Variants in SH3PXD2A observed in about 807,000 individuals in gnomAD.
SH3PXD2A encodes SH3 and PX domain-containing protein 2A.
A neutral mutation model predicts 115.2 loss-of-function variants in SH3PXD2A; 32 were observed. The ratio of observed to expected loss-of-function variants is 0.28; its 90% confidence interval spans 0.21 to 0.37. The LOEUF is 0.37. Among genes scored for constraint, SH3PXD2A ranks in the 10% least tolerant of loss-of-function variants. The probability of loss-of-function intolerance (pLI) is 1.00; values close to 1 mark genes in which losing one functional copy is unlikely to be tolerated. For synonymous variants in SH3PXD2A, 610 were observed against 629.1 expected, an observed-to-expected ratio of 0.97 and a Z score of 0.45; for missense variants, 1,328 against 1,498.7, an observed-to-expected ratio of 0.89 and a Z score of 1.88.
At chr10:103,610,736 C>T (rs1185782571) in intron 13 of SH3PXD2A, among the ~76,000 whole-genome samples, 1 of 152,154 alleles carries the variant, frequency 6.6e-6, no homozygotes, top group Non-Finnish European at 1.5e-5. Flanking sequence ...TTTGCTAGCC[C>T]CCCACATAAA....
chr10:103,810,931 CATGG>C (rs1209917181), intron 1 of SH3PXD2A, among the ~76,000 whole-genome samples: 3 of 4,276 alleles, frequency 7.0e-4, no homozygotes, highest in Non-Finnish European at 1.5e-3. Flanking sequence ...GAGACACACA[CATGG>C]ACACAGGCGC....
intron 6 of SH3PXD2A, among the ~76,000 whole-genome samples, chr10:103,685,481 T>C (rs1368321244): frequency 6.6e-6 from 1 of 151,812 alleles, no homozygotes; most frequent in Non-Finnish European, 1.5e-5. Context: ...AATGATGAGA[T>C]AGTGGACACC....
intron 8 of SH3PXD2A, among the ~76,000 whole-genome samples, chr10:103,635,864 C>A (rs1015885469): frequency 6.6e-6 from 1 of 152,216 alleles, no homozygotes; most frequent in Admixed American, 6.5e-5. Flanking sequence ...AGTAACAACC[C>A]ACTTTGCAAT....
At chr10:103,773,171 C>A (rs1230925081) in intron 2 of SH3PXD2A, among the ~76,000 whole-genome samples, 1 of 145,510 alleles carries the variant, frequency 6.9e-6, no homozygotes. Flanking sequence ...TTGCAGTGAG[C>A]TGAGATCTCA....
At chr10:103,767,015 A>C in intron 3 of SH3PXD2A, 79 bp downstream of exon 3, 2 of 1,043,806 alleles carry the variant, frequency 1.9e-6, no homozygotes, top group Non-Finnish European at 3.0e-6. Context: ...TCTGCTGCTT[A>C]GTACTCTTCT....
At chr10:103,742,104 G>A (rs1316353866) in intron 3 of SH3PXD2A, among the ~76,000 whole-genome samples, 1 of 151,898 alleles carries the variant, frequency 6.6e-6, no homozygotes, top group Non-Finnish European at 1.5e-5. Context: ...AGTCATGATC[G>A]TGCCACTGTA....
intron 6 of SH3PXD2A, among the ~76,000 whole-genome samples, chr10:103,679,723 G>C (rs942063636): frequency 6.6e-6 from 1 of 152,324 alleles, no homozygotes; most frequent in South Asian, 2.1e-4. Flanking sequence ...GGTCCCCCTG[G>C]GGGGGCCATT....
chr10:103,634,807 C>A (rs1378383274), intron 8 of SH3PXD2A, among the ~76,000 whole-genome samples: 1 of 152,152 alleles, frequency 6.6e-6, no homozygotes, highest in African/African-American at 2.4e-5. Context: ...TTGCTGCTTC[C>A]TAGCTGTGTG....
chr10:103,767,810 GTTTTT>G (rs34903223), intron 2 of SH3PXD2A, among the ~76,000 whole-genome samples: 2 of 67,742 alleles, frequency 3.0e-5, no homozygotes, highest in East Asian at 4.6e-4. Flanking sequence ...CAACTGTTTT[GTTTTT>G]TTTTTTTTTT....
intron 8 of SH3PXD2A, among the ~76,000 whole-genome samples, chr10:103,660,357 G>A (rs1466995323): frequency 6.6e-6 from 1 of 152,134 alleles, no homozygotes; most frequent in African/African-American, 2.4e-5. Context: ...CAGCTGCCCC[G>A]GGCAGCTGTC....
At chr10:103,788,453 A>T (rs1280059842) in intron 2 of SH3PXD2A, among the ~76,000 whole-genome samples, 2 of 152,212 alleles carry the variant, frequency 1.3e-5, no homozygotes, top group Non-Finnish European at 2.9e-5. Context: ...GCCTGATGTC[A>T]TCCATCTGTG....
Position 103,603,753 on chromosome 10 carries a change from G to A in SH3PXD2A, c.1465C>T (p.Gln489Ter). ...DKNSGGWWYV[Q>*]IGEKEGWAPA... ...GCCCAGCCCTCCTTCTCACCGATCTGCACGTACCACCAGCCACCTGAGTTC... is the reference window on the plus strand; with the variant it reads ...GCCCAGCCCTCCTTCTCACCGATCTACACGTACCACCAGCCACCTGAGTTC... The change falls in exon 15 of 15, where the codon CAG becomes TAG. Residue 489 changes from glutamine to a stop codon, truncating the protein, a stop_gained. Transcript: ENST00000369774. LOFTEE classifies it high-confidence loss of function. 6.2e-7 allele frequency: 1 copy of A among 1,610,482 alleles called. No individual in the cohort carries two copies. Among genetic ancestry groups the A allele is most frequent in the Non-Finnish European group, 8.5e-7 (1 of 1,179,896 alleles).
chr10:103,727,522 G>A (rs919741240), intron 4 of SH3PXD2A, among the ~76,000 whole-genome samples: 4 of 152,156 alleles, frequency 2.6e-5, no homozygotes, highest in African/African-American at 9.7e-5. Context: ...TGACCACCCT[G>A]AAAGGGAGAA....
At position 103,620,768 on chromosome 10, in the gene SH3PXD2A, A is replaced by G. The variant is rs2036590993; in HGVS notation, c.802+1702T>C. Among the ~76,000 whole-genome samples the G allele has an allele frequency of 6.6e-6, 1 of 152,158 alleles. No homozygotes were observed. The highest frequency in any genetic ancestry group is 6.5e-5 in the Admixed American group (1 of 15,280). Reference sequence around the variant, plus strand: ...GCTGGGGGCTTATATTTGCTTAGGTATGGGTGACCAAGAATTAGGCATTTC... The same window carrying G: ...GCTGGGGGCTTATATTTGCTTAGGTGTGGGTGACCAAGAATTAGGCATTTC... On this transcript the variant is annotated intron_variant, in intron 10 of 14. Transcript: ENST00000369774. The surrounding 1 kb of genome is among the most constrained non-coding windows in gnomAD (Gnocchi z 5.3).
intron 11 of SH3PXD2A, 40 bp downstream of exon 11, chr10:103,617,156 TG>T: frequency 7.1e-7 from 1 of 1,413,054 alleles, no homozygotes. Flanking sequence ...AGGGCCCAGG[TG>T]GGCGAGAGGC....
At chr10:103,622,780 C>T (rs1041370090) in intron 9 of SH3PXD2A, among the ~76,000 whole-genome samples, 9 of 152,134 alleles carry the variant, frequency 5.9e-5, no homozygotes, top group East Asian at 3.8e-4. Context: ...AACTCCACAG[C>T]GTGTGCCCCT....
intron 5 of SH3PXD2A, among the ~76,000 whole-genome samples, chr10:103,700,575 GGTGACACTGAGCAGCA>G (rs1470935741): frequency 6.6e-6 from 1 of 152,234 alleles, no homozygotes; most frequent in African/African-American, 2.4e-5. Context: ...CCACCTAGAT[GGTGACACTGAGCAGCA>G]GTCCATGGGA....
intron 1 of SH3PXD2A, among the ~76,000 whole-genome samples, chr10:103,844,570 G>T (rs925472833): frequency 6.6e-6 from 1 of 152,178 alleles, no homozygotes; most frequent in Non-Finnish European, 1.5e-5. Context: ...AGTTCCCCAT[G>T]AGGAGCACCT....
At chr10:103,761,647 T>C (rs2038700759) in intron 3 of SH3PXD2A, among the ~76,000 whole-genome samples, 1 of 152,214 alleles carries the variant, frequency 6.6e-6, no homozygotes, top group Non-Finnish European at 1.5e-5. Flanking sequence ...TCCAGCCACC[T>C]GCCACCCACA....
Sources: allele counts gnomAD v4.1 joint callset (sites outside exome capture counted in the v4.1 genomes callset), GRCh38; gene constraint gnomAD v4.1.1; non-coding constraint Gnocchi (gnomAD v3.1); transcripts MANE v1.5; gene names NCBI Gene and HGNC (gene_info 2026-07-23, HGNC 2026-07-21).